The following GAS2 variants were observed in gnomAD, a reference collection of about 807,000 sequenced individuals.
GAS2 encodes growth arrest-specific protein 2.
In GAS2, 20 loss-of-function variants were observed where a neutral mutation model predicts 37.5. The ratio of observed to expected loss-of-function variants is 0.53; its 90% CI spans 0.37 to 0.77. The LOEUF (loss-of-function observed/expected upper bound fraction) is 0.77, where lower values mean the gene tolerates loss of function less well. Ranked by LOEUF, GAS2 falls within the 30% of genes least tolerant of loss-of-function variation. GAS2 has a pLI of 0.00. For synonymous variants in GAS2, 144 were observed against 132.2 expected (o/e 1.09, Z -0.61); for missense variants, 336 against 373.4 (o/e 0.90, Z 0.82).
At chr11:22,787,548 G>A (rs1163633111) in intron 7 of GAS2, among the ~76,000 whole-genome samples, 1 of 151,580 alleles carries the variant, frequency 6.6e-6, no homozygotes, top group East Asian at 1.9e-4. Context: ...AAACATATGT[G>A]CTGGAGTGAC....
At chr11:22,810,405 C>G (rs935631612) in intron 7 of GAS2, among the ~76,000 whole-genome samples, 1 of 152,056 alleles carries the variant, frequency 6.6e-6, no homozygotes, top group Non-Finnish European at 1.5e-5. Flanking sequence ...AATAAGACAA[C>G]TGTAATTTTC....
intron 7 of GAS2, among the ~76,000 whole-genome samples, chr11:22,792,528 G>T (rs556133719): frequency 6.6e-6 from 1 of 152,316 alleles, no homozygotes; most frequent in South Asian, 2.1e-4. Flanking sequence ...AATTTCTAGA[G>T]GCAAAAGTAA....
intron 7 of GAS2, among the ~76,000 whole-genome samples, chr11:22,782,741 A>AAG (rs397757068): frequency 1.5e-5 from 2 of 137,694 alleles, no homozygotes; most frequent in Admixed American, 7.2e-5. Flanking sequence ...AAAAAAAAAA[A>AAG]TAATAATAAT....
intron 3 of GAS2, among the ~76,000 whole-genome samples, chr11:22,717,234 C>A (rs536914933): frequency 1.6e-4 from 24 of 152,210 alleles, no homozygotes; most frequent in African/African-American, 4.1e-4. Flanking sequence ...CATCACATTA[C>A]CCGATTTCAA....
intron 1 of GAS2, among the ~76,000 whole-genome samples, chr11:22,654,363 C>T (rs1414220634): frequency 2.0e-5 from 3 of 151,828 alleles, no homozygotes; most frequent in Non-Finnish European, 4.4e-5. Context: ...TTTCCTCCCT[C>T]CCTCCTTCCC....
At chr11:22,653,062 C>CTTTCTCTTTCTTTCTTTCTTTGCTTTCT in intron 1 of GAS2, among the ~76,000 whole-genome samples, 1 of 130,036 alleles carries the variant, frequency 7.7e-6, no homozygotes, top group African/African-American at 2.8e-5. Flanking sequence ...TGCTTTCTTT[C>CTTTCTCTTTCTTTCTTTCTTTGCTTTCT]TTTTTTGCTT....
At chr11:22,637,544 A>G (rs1326352022) in intron 1 of GAS2, among the ~76,000 whole-genome samples, 1 of 48,712 alleles carries the variant, frequency 2.1e-5, no homozygotes, top group African/African-American at 1.2e-4. Flanking sequence ...TACTTAATAT[A>G]ATATTAATTA....
At chr11:22,790,997 C>T (rs1856131494) in intron 7 of GAS2, among the ~76,000 whole-genome samples, 1 of 151,978 alleles carries the variant, frequency 6.6e-6, no homozygotes, top group South Asian at 2.1e-4. Context: ...GCATAGATAA[C>T]AAAACCACAA....
In GAS2 at chr11:22,674,897, C is replaced by T. The variant is rs767695285; in HGVS notation, c.28C>T (p.Arg10Cys). Residue 10 changes from arginine to cysteine, a missense_variant, in exon 2 of 8, where the codon CGC becomes TGC. Transcript: ENST00000454584. MCTALSPKV[R>C]SGPGLSDMHQ... ...GTGCACTGCTCTGAGCCCAAAGGTA[C>T]GCAGTGGACCTGGCCTCTCTGATAT... The T allele has an allele frequency of 3.7e-6, 6 of 1,612,324 alleles. No individual in the cohort carries two copies. Among genetic ancestry groups the T allele is most frequent in the South Asian group, 1.1e-5 (1 of 90,672 alleles).
At chr11:22,757,359 T>G (rs190704560) in intron 7 of GAS2, among the ~76,000 whole-genome samples, 1 of 152,172 alleles carries the variant, frequency 6.6e-6, no homozygotes, top group Non-Finnish European at 1.5e-5. Flanking sequence ...GAAATAGTTA[T>G]CTTTTGATTA....
intron 3 of GAS2, among the ~76,000 whole-genome samples, chr11:22,715,460 C>CAA (rs1192862614): frequency 0.17 from 7,034 of 41,636 alleles, 1,835 homozygotes; most frequent in East Asian, 0.34. Flanking sequence ...GACTCTGTCT[C>CAA]AAAAAAAAAA....
In GAS2 at chr11:22,812,331, A is replaced by G. The variant is rs556496744; in HGVS notation, c.*315A>G. On this transcript the variant is annotated 3_prime_UTR_variant, in exon 8 of 8. Transcript: ENST00000454584. ...TCTAACTAAAGATAAATAAGGAGAA[A>G]ACATTTAGGATTTGCAGATAAGTCA... 1.9e-5 allele frequency: 4 copies of G among 213,542 alleles called. No homozygotes were observed. Among genetic ancestry groups the G allele is most frequent in the East Asian group, 1.1e-4 (1 of 8,722 alleles). 13.2% of individuals were successfully genotyped at this position (213,542 alleles called of 1,614,324 possible).
chr11:22,681,495 T>A (rs1371401747), intron 2 of GAS2, among the ~76,000 whole-genome samples: 1 of 152,210 alleles, frequency 6.6e-6, no homozygotes, highest in Admixed American at 6.5e-5. Context: ...CACTCTAGAT[T>A]AATGTTCAAA....
At chr11:22,713,767 T>C (rs1851525985) in intron 3 of GAS2, among the ~76,000 whole-genome samples, 1 of 152,116 alleles carries the variant, frequency 6.6e-6, no homozygotes, top group African/African-American at 2.4e-5. Flanking sequence ...GCTTCATACA[T>C]GAGAGATAAA....
chr11:22,757,689 C>T (rs1028679222), intron 7 of GAS2, among the ~76,000 whole-genome samples: 1 of 152,142 alleles, frequency 6.6e-6, no homozygotes, highest in African/African-American at 2.4e-5. Context: ...TATAACATTT[C>T]CCTTTAAAAT....
At chr11:22,787,164 C>T (rs1855856125) in intron 7 of GAS2, among the ~76,000 whole-genome samples, 1 of 152,116 alleles carries the variant, frequency 6.6e-6, no homozygotes, top group Non-Finnish European at 1.5e-5. Flanking sequence ...AAGATTCCTG[C>T]TCTCAAAAAG....
rs1271125315 is a variant in GAS2, at chr11:22,685,758, A to T, written c.236A>T (p.Lys79Met). 6.2e-7 allele frequency: 1 copy of T among 1,613,740 alleles called. No homozygotes were observed. The highest frequency in any genetic ancestry group is 8.5e-7 in the Non-Finnish European group (1 of 1,179,914). ...QLAETMQEKF[K>M]ESMDANKPTK... ...GCAGAAACTATGCAGGAGAAATTCA[A>T]GGAGAGCATGGATGCTAACAAGCCC... Residue 79 changes from lysine to methionine, a missense_variant, in exon 3 of 8, where the codon AAG becomes ATG. Lys to Met is a moderately conservative substitution (Grantham distance 95). Coordinates refer to ENST00000454584, the MANE Select transcript of GAS2 (RefSeq NM_001143830.3).
chr11:22,779,233 G>C (rs1855427017), intron 7 of GAS2, among the ~76,000 whole-genome samples: 1 of 152,008 alleles, frequency 6.6e-6, no homozygotes, highest in Admixed American at 6.6e-5. Context: ...CTCATTTTGT[G>C]CCCATCTCCC....
intron 2 of GAS2, among the ~76,000 whole-genome samples, chr11:22,675,809 A>T (rs1338870101): frequency 1.3e-5 from 2 of 152,186 alleles, no homozygotes; most frequent in Non-Finnish European, 2.9e-5. Flanking sequence ...GGGAGATTTC[A>T]TCAACACTAT....
Sources: allele counts gnomAD v4.1 joint callset (sites outside exome capture counted in the v4.1 genomes callset), GRCh38; gene constraint gnomAD v4.1.1; transcripts MANE v1.5; gene names NCBI Gene and HGNC (gene_info 2026-07-23, HGNC 2026-07-21).